Variants in C8orf82 observed in about 807,000 individuals in gnomAD.
C8orf82 encodes the protein UPF0598 protein C8orf82.
Under a neutral mutation model 15.0 loss-of-function variants are expected in C8orf82, and 24 were observed. The ratio of observed to expected loss-of-function variants is 1.60; its 90% CI spans 1.16 to 2.24. The LOEUF (loss-of-function observed/expected upper bound fraction) is 2.24, where lower values mean the gene tolerates loss of function less well. Among genes scored for constraint, C8orf82 ranks in the 30% most tolerant of loss-of-function variants. The pLI is 0.00. For synonymous variants in C8orf82, 205 were observed against 152.2 expected (o/e 1.35, Z -2.55); for missense variants, 388 against 317.4 (o/e 1.22, Z -1.69).
intron 2 of C8orf82, 116 bp from the exon 3 acceptor site, chr8:144,527,903 G>A: frequency 6.6e-7 from 1 of 1,505,356 alleles, no homozygotes; most frequent in Non-Finnish European, 9.2e-7. Context: ...CACTCAGCGG[G>A]GCTCCTGAGC....
rs1271703784 is a variant in C8orf82, at chr8:144,527,298, G to A, written c.*44C>T. 8.8e-7 allele frequency: 1 copy of A among 1,140,388 alleles called. No homozygotes were observed. 70.6% of individuals were successfully genotyped at this position (1,140,388 alleles called of 1,614,324 possible). On this transcript the variant is annotated 3_prime_UTR_variant, in exon 3 of 3. Coordinates refer to ENST00000524821, the MANE Select transcript of C8orf82 (RefSeq NM_001001795.2). ...CGGGGCGTGGAGTCCCGGGGGAGCG[G>A]GGCGAGAGGCGCCCGCGGCCTCCCG...
intron 1 of C8orf82, 56 bp downstream of exon 1, chr8:144,528,705 C>CCCCCCA: frequency 1.7e-6 from 1 of 576,546 alleles, no homozygotes; most frequent in Non-Finnish European, 2.4e-6. Flanking sequence ...CCCCCCGCCC[C>CCCCCCA]GCCCAGAGAC....
chr8:144,528,184 T>C (rs1356582081), intron 1 of C8orf82, 112 bp from the exon 2 acceptor site: 4 of 1,532,328 alleles, frequency 2.6e-6, no homozygotes, highest in Non-Finnish European at 3.5e-6. Flanking sequence ...CCACTTTTCC[T>C]GCTTGTCTGT....
intron 1 of C8orf82, 22 bp from the exon 2 acceptor site, chr8:144,528,094 G>A: frequency 7.4e-6 from 12 of 1,611,714 alleles, no homozygotes; most frequent in South Asian, 3.3e-5. Context: ...GGGCCAGGCC[G>A]TGATAAGTCC....
rs2130801138 is a variant in C8orf82 at position 144,526,109 on chromosome 8, C to T, written c.*1233G>A. ...CCCCAAACATTTGCCTGTCCATCAG[C>T]TCTTCCTCCTTTCGAGTCATGTGGA... On this transcript the variant is annotated 3_prime_UTR_variant, in exon 3 of 3. Coordinates refer to ENST00000524821, the MANE Select transcript of C8orf82 (RefSeq NM_001001795.2). 1 of 152,376 alleles carries T rather than the reference C, an allele frequency of 6.6e-6. No individual in the cohort carries two copies. Among genetic ancestry groups the T allele is most frequent in the Admixed American group, 6.5e-5 (1 of 15,304 alleles). 9.4% of individuals were successfully genotyped at this position (152,376 alleles called of 1,614,324 possible).
chr8:144,529,040 G>A lies in C8orf82; in HGVS notation c.-124C>T, dbSNP rs986560490. 8.6e-6 allele frequency: 9 copies of A among 1,043,974 alleles called. No homozygotes were observed. In the East Asian group the frequency reaches 2.4e-4, roughly 27 times the overall value. 64.7% of individuals were successfully genotyped at this position (1,043,974 alleles called of 1,614,324 possible). A position where few individuals can be genotyped will look rare whatever the true frequency, so the allele number is the denominator to read the frequency against. On this transcript the variant is annotated 5_prime_UTR_variant, in exon 1 of 3. Coordinates refer to ENST00000524821, the MANE Select transcript of C8orf82 (RefSeq NM_001001795.2). ...GCGCCCGCCTCCGCGACCCGGGCCC[G>A]GCGCTCTTCCCTCTCCCTCGGGCCT... is the stretch of plus-strand genomic sequence containing the variant.
rs1350759517 is a variant in C8orf82 at position 144,528,809 on chromosome 8, C to T, written c.108G>A (p.Pro36=). Residue 36 remains proline, a synonymous_variant, in exon 1 of 3, where the codon CCG becomes CCA. Coordinates refer to ENST00000524821, the MANE Select transcript of C8orf82 (RefSeq NM_001001795.2). ...GGVSYTQGQS[P]EPRTREYFYY... ...AGAAATACTCGCGGGTCCGCGGCTCCGGACTCTGGCCCTGCGTGTAGGAAA... is the reference window on the plus strand; with the variant it reads ...AGAAATACTCGCGGGTCCGCGGCTCTGGACTCTGGCCCTGCGTGTAGGAAA... The T allele has an allele frequency of 7.4e-6, 11 of 1,492,196 alleles. No homozygotes were observed. The highest frequency in any genetic ancestry group is 8.9e-6 in the Non-Finnish European group (10 of 1,122,004). 92.4% of individuals were successfully genotyped at this position (1,492,196 alleles called of 1,614,324 possible).
At position 144,528,501 on chromosome 8, in the gene C8orf82, C is replaced by T. The variant is rs1040388032; in HGVS notation, c.156+260G>A. On this transcript the variant is annotated intron_variant, in intron 1 of 2. Coordinates refer to ENST00000524821, the MANE Select transcript of C8orf82 (RefSeq NM_001001795.2). ...TAGGACAGAGTCCGAAGCTGCACAA[C>T]GCAGCAGGGACGCGGCCCATGTAGG... 25 of 1,429,908 alleles carry T rather than the reference C, an allele frequency of 1.7e-5. No individual in the cohort carries two copies. In the Admixed American group the frequency reaches 2.0e-4, roughly 12 times the overall value. 88.6% of individuals were successfully genotyped at this position (1,429,908 alleles called of 1,614,324 possible).
In C8orf82 at chr8:144,527,794, G is replaced by C. The variant is rs780301857; in HGVS notation, c.206-7C>G. On this transcript the variant is annotated splice_region_variant and splice_polypyrimidine_tract_variant and intron_variant, in intron 2 of 2. Transcript: ENST00000524821. ...GTGACCAGGAACTGCGGGTCTGGGGGATGAAGGGTGCGTGTACTCAGCGCG... is the reference window on the plus strand; with the variant it reads ...GTGACCAGGAACTGCGGGTCTGGGGCATGAAGGGTGCGTGTACTCAGCGCG... 5.6e-6 allele frequency: 9 copies of C among 1,593,758 alleles called. No individual in the cohort carries two copies. The East Asian group carries it at 1.8e-4, about 32-fold the overall frequency.
chr8:144,528,821 C>T lies in C8orf82; in HGVS notation c.96G>A (p.Gln32=). 2.0e-6 allele frequency: 3 copies of T among 1,518,834 alleles called. No homozygotes were observed. Among genetic ancestry groups the T allele is most frequent in the Non-Finnish European group, 2.6e-6 (3 of 1,135,594 alleles). 94.1% of individuals were successfully genotyped at this position (1,518,834 alleles called of 1,614,324 possible). Residue 32 remains glutamine, a synonymous_variant, in exon 1 of 3, where the codon CAG becomes CAA. Coordinates refer to ENST00000524821, the MANE Select transcript of C8orf82 (RefSeq NM_001001795.2). The stretch of plus-strand genomic sequence containing the variant: ...GGGTCCGCGGCTCCGGACTCTGGCC[C>T]TGCGTGTAGGAAACGCCCCCATCCC... The part of the protein sequence containing the change: ...CSGDGGVSYT[Q]GQSPEPRTRE...
Position 144,527,797 on chromosome 8 carries a change from G to T in C8orf82, c.206-10C>A, listed in dbSNP as rs558600598. 28 of 1,593,808 alleles carry T rather than the reference G, an allele frequency of 1.8e-5. No homozygotes were observed. In the East Asian group the frequency reaches 5.8e-4, roughly 33 times the overall value. ...ACCAGGAACTGCGGGTCTGGGGGATGAAGGGTGCGTGTACTCAGCGCGCTG... is the reference window on the plus strand; with the variant it reads ...ACCAGGAACTGCGGGTCTGGGGGATTAAGGGTGCGTGTACTCAGCGCGCTG... On this transcript the variant is annotated splice_polypyrimidine_tract_variant and intron_variant, in intron 2 of 2. Transcript: ENST00000524821.
chr8:144,527,338 C>T lies in C8orf82; in HGVS notation c.*4G>A. 8.5e-7 allele frequency: 1 copy of T among 1,178,874 alleles called. No individual in the cohort carries two copies. Among genetic ancestry groups the T allele is most frequent in the Non-Finnish European group, 1.1e-6 (1 of 951,696 alleles). 73.0% of individuals were successfully genotyped at this position (1,178,874 alleles called of 1,614,324 possible). ...GCGGCCTCCCGCCTTTCCCTTGGCC[C>T]CGCTCAGGGCGACCGAGCCGCGAGC... On this transcript the variant is annotated 3_prime_UTR_variant, in exon 3 of 3. Transcript: ENST00000524821.
chr8:144,528,979 C>T lies in C8orf82; in HGVS notation c.-63G>A, dbSNP rs1487885530. 1 of 1,432,388 alleles carries T rather than the reference C, an allele frequency of 7.0e-7. No homozygotes were observed. The highest frequency in any genetic ancestry group is 2.9e-5 in the Admixed American group (1 of 34,242). The allele number at this position is 1,432,388 out of a possible 1,614,324, so 88.7% of individuals were successfully genotyped here. A position where few individuals can be genotyped will look rare whatever the true frequency, so the allele number is the denominator to read the frequency against. ...GGGGGCGGTGCTGCGCGAACTCGCGCCTGCCCGCAGTAGCCCCGCGCTTCG... is the reference window on the plus strand; with the variant it reads ...GGGGGCGGTGCTGCGCGAACTCGCGTCTGCCCGCAGTAGCCCCGCGCTTCG... On this transcript the variant is annotated 5_prime_UTR_variant, in exon 1 of 3. Coordinates refer to ENST00000524821, the MANE Select transcript of C8orf82 (RefSeq NM_001001795.2).
At position 144,526,422 on chromosome 8, in the gene C8orf82, G is replaced by A; in HGVS notation, c.*920C>T. On this transcript the variant is annotated 3_prime_UTR_variant, in exon 3 of 3. Coordinates refer to ENST00000524821, the MANE Select transcript of C8orf82 (RefSeq NM_001001795.2). ...CCAGGAAGGCTTCTCAAGTGGAGAAGGTTCTTGGCCTCAGAACTCACGGCG... is the reference window on the plus strand; with the variant it reads ...CCAGGAAGGCTTCTCAAGTGGAGAAAGTTCTTGGCCTCAGAACTCACGGCG... The A allele has an allele frequency of 6.6e-6, 1 of 152,290 alleles. No individual in the cohort carries two copies. Among genetic ancestry groups the A allele is most frequent in the Admixed American group, 6.5e-5 (1 of 15,282 alleles). 9.4% of individuals were successfully genotyped at this position (152,290 alleles called of 1,614,324 possible). A position where few individuals can be genotyped will look rare whatever the true frequency, so the allele number is the denominator to read the frequency against.
chr8:144,528,616 C>CCCGGGGGGGGG, intron 1 of C8orf82, 145 bp downstream of exon 1: 3 of 296,000 alleles, frequency 1.0e-5, no homozygotes, highest in Non-Finnish European at 1.5e-5. Context: ...GCGCAGGCCC[C>CCCGGGGGGGGG]GCCCACCCAC....
intron 2 of C8orf82, 64 bp from the exon 3 acceptor site, chr8:144,527,851 A>G (rs1205621508): frequency 1.3e-6 from 2 of 1,564,930 alleles, no homozygotes; most frequent in South Asian, 2.2e-5. Context: ...GCCCAGGACC[A>G]TACCGAGGGC....
rs1170332106 is a variant in C8orf82 at position 144,527,914 on chromosome 8, G to A, written c.205+110C>T. 3.3e-6 allele frequency: 5 copies of A among 1,496,536 alleles called. No individual in the cohort carries two copies. The South Asian group carries it at 4.5e-5, about 13-fold the overall frequency. The allele number at this position is 1,496,536 out of a possible 1,614,324, so 92.7% of individuals were successfully genotyped here. On this transcript the variant is annotated intron_variant, in intron 2 of 2. Coordinates refer to ENST00000524821, the MANE Select transcript of C8orf82 (RefSeq NM_001001795.2). Reference sequence around the variant, plus strand: ...GCCTCACTCAGCGGGGCTCCTGAGCGCAGGACGCCCACTCCTTGGTGCGCT... The same window carrying A: ...GCCTCACTCAGCGGGGCTCCTGAGCACAGGACGCCCACTCCTTGGTGCGCT...
At chr8:144,527,914 G>T in intron 2 of C8orf82, 110 bp downstream of exon 2, 2 of 1,496,532 alleles carry the variant, frequency 1.3e-6, no homozygotes, top group East Asian at 2.3e-5. Context: ...GCTCCTGAGC[G>T]CAGGACGCCC....
At chr8:144,528,368 G>A in intron 1 of C8orf82, 1 of 1,501,724 alleles carries the variant, frequency 6.7e-7, no homozygotes, top group South Asian at 1.2e-5. Context: ...CTGGCCTGCT[G>A]CCTCCCGGAC....
Sources: gnomAD v4.1 joint callset for allele counts on GRCh38, gnomAD v4.1.1 for gene constraint, MANE v1.5 for transcripts, NCBI Gene and HGNC (gene_info 2026-07-23, HGNC 2026-07-21) for gene names.